Variants in ABCA10 observed in about 807,000 individuals in gnomAD.
ABCA10 encodes the protein ATP binding cassette subfamily A member 10.
A neutral mutation model predicts 187.5 loss-of-function variants in ABCA10; 169 were observed. The ratio of observed to expected loss-of-function variants is 0.90; its 90% CI spans 0.80 to 1.02. The LOEUF (loss-of-function observed/expected upper bound fraction) is 1.02, where lower values mean the gene tolerates loss of function less well. Ranked by LOEUF, ABCA10 falls within the 50% of genes least tolerant of loss-of-function variation. ABCA10 has a pLI of 0.00. For synonymous variants in ABCA10, 574 were observed against 601.8 expected (o/e 0.95, Z 0.68); for missense variants, 1,727 against 1,812.4 (o/e 0.95, Z 0.86).
At chr17:69,244,782 A>G (rs1724692114) in exon 1 of ABCA10, 1 of 151,374 alleles carries the variant, frequency 6.6e-6, no homozygotes, top group Admixed American at 6.6e-5. Flanking sequence ...AATAAAAACA[A>G]TAATAACAAC....
At chr17:69,178,275 C>A (rs746813801) in intron 22 of ABCA10, among the ~76,000 whole-genome samples, 1 of 151,968 alleles carries the variant, frequency 6.6e-6, no homozygotes, top group African/African-American at 2.4e-5. Context: ...GAAGTCATGA[C>A]AGCTTTAGAA....
intron 22 of ABCA10, 101 bp from the exon 23 acceptor site, chr17:69,175,614 T>C (rs2074328903): frequency 5.7e-6 from 5 of 877,218 alleles, no homozygotes; most frequent in Non-Finnish European, 8.4e-6. Context: ...TCTAGAAGCA[T>C]TCACCTGATT....
intron 10 of ABCA10, among the ~76,000 whole-genome samples, chr17:69,200,823 C>T (rs1384915571): frequency 6.6e-6 from 1 of 152,224 alleles, no homozygotes; most frequent in African/African-American, 2.4e-5. Context: ...AGCCATCCTC[C>T]CACGTCAGCC....
intron 11 of ABCA10, chr17:69,196,435 T>C: frequency 5.7e-6 from 1 of 175,554 alleles, no homozygotes. Flanking sequence ...GCAGAGGCGC[T>C]CCCCACATCT....
intron 5 of ABCA10, 94 bp from the exon 6 acceptor site, chr17:69,219,865 TA>T (rs2074733798): frequency 1.1e-6 from 1 of 874,446 alleles, no homozygotes; most frequent in African/African-American, 1.7e-5. Context: ...AATATTTACA[TA>T]TTCTCATCAT....
chr17:69,155,764 T>G (rs751285064), intron 29 of ABCA10, 41 bp downstream of exon 29: 8 of 1,596,142 alleles, frequency 5.0e-6, no homozygotes, highest in Non-Finnish European at 6.0e-6. Flanking sequence ...GAGGACAAAC[T>G]ATCTGAGCAT....
chr17:69,154,396 GCATAACATTTT>G, intron 30 of ABCA10, 70 bp from the exon 31 acceptor site: 1 of 1,069,466 alleles, frequency 9.4e-7, no homozygotes, highest in Admixed American at 2.5e-5. Context: ...TTGGTTGGTT[GCATAACATTTT>G]GAAACAAAAT....
intron 25 of ABCA10, among the ~76,000 whole-genome samples, chr17:69,167,652 C>T (rs1410671375): frequency 2.0e-5 from 3 of 151,928 alleles, no homozygotes; most frequent in Non-Finnish European, 2.9e-5. Context: ...TTTCCATTGC[C>T]AGATGATGAG....
At chr17:69,166,636 G>A (rs1230038025) in intron 25 of ABCA10, among the ~76,000 whole-genome samples, 1 of 152,142 alleles carries the variant, frequency 6.6e-6, no homozygotes, top group Non-Finnish European at 1.5e-5. Context: ...AAGATCTAAG[G>A]CTGGAGAATG....
chr17:69,232,274 T>C (rs1438385396), upstream of ABCA10, among the ~76,000 whole-genome samples: 1 of 152,152 alleles, frequency 6.6e-6, no homozygotes, highest in Non-Finnish European at 1.5e-5. Flanking sequence ...ACTGCTGCCA[T>C]TTTGATACCT....
intron 11 of ABCA10, among the ~76,000 whole-genome samples, chr17:69,195,130 C>T (rs75710583): frequency 2.0e-5 from 3 of 151,990 alleles, no homozygotes; most frequent in Non-Finnish European, 4.4e-5. Flanking sequence ...TTAACTCCAC[C>T]GGAAAATAAG....
rs139564076 is a variant in ABCA10, at chr17:69,204,240, A to G, written c.1007-2572T>C. Among the ~76,000 whole-genome samples the G allele has an allele frequency of 5.3e-3, 809 of 152,308 alleles. 6 individuals carry two copies. Among genetic ancestry groups the G allele is most frequent in the Middle Eastern group, 0.014 (4 of 294 alleles). ...CTACTATGCACCAGCTCTGCCAAAC[A>G]ATTTTTAATTTCCCTTATGATATAC... is the stretch of plus-strand genomic sequence containing the variant. On this transcript the variant is annotated intron_variant, in intron 9 of 38. Transcript: ENST00000690296.
rs1272885561 is a variant in ABCA10, at chr17:69,197,076, C to A, written c.1222G>T (p.Glu408Ter). 2 of 1,589,828 alleles carry A rather than the reference C, an allele frequency of 1.3e-6. No homozygotes were observed. Among genetic ancestry groups the A allele is most frequent in the Admixed American group, 1.7e-5 (1 of 58,334 alleles). Residue 408 changes from glutamate to a stop codon, truncating the protein, a stop_gained, in exon 11 of 39, where the codon GAA becomes TAA. Coordinates refer to ENST00000690296, the MANE Select transcript of ABCA10 (RefSeq NM_001377321.1). LOFTEE classifies it high-confidence loss of function. ...TTTTTCTTTTTACCTTGCAATGCTT[C>A]TACTTTTCCAGTCTTTCCATTATAT... ...KEYNGKTGKV[E>*]ALQGIFFDIY...
intron 10 of ABCA10, among the ~76,000 whole-genome samples, chr17:69,197,414 C>T (rs755151754): frequency 3.3e-5 from 5 of 151,706 alleles, no homozygotes; most frequent in African/African-American, 4.8e-5. Flanking sequence ...AGGAAGGGAG[C>T]GAAAGAAAAA....
At chr17:69,160,065 C>G (rs1012520727) in intron 27 of ABCA10, among the ~76,000 whole-genome samples, 2 of 152,084 alleles carry the variant, frequency 1.3e-5, no homozygotes, top group East Asian at 3.9e-4. Flanking sequence ...TAAAATTGGA[C>G]TAGACAGCGA....
chr17:69,228,868 G>A (rs932566788), upstream of ABCA10: 4 of 151,504 alleles, frequency 2.6e-5, no homozygotes, highest in Non-Finnish European at 5.9e-5. Flanking sequence ...GCTCTTTTTG[G>A]CATACACACA....
At chr17:69,218,748 A>C (rs1464355561) in intron 6 of ABCA10, among the ~76,000 whole-genome samples, 1 of 152,184 alleles carries the variant, frequency 6.6e-6, no homozygotes, top group Non-Finnish European at 1.5e-5. Flanking sequence ...GTGCTGTGTG[A>C]TTTAAACATA....
intron 25 of ABCA10, among the ~76,000 whole-genome samples, chr17:69,167,226 C>T (rs2074260689): frequency 6.6e-6 from 1 of 152,102 alleles, no homozygotes; most frequent in African/African-American, 2.4e-5. Flanking sequence ...TCTGCTTGCT[C>T]CCAAACACAT....
intron 17 of ABCA10, 48 bp from the exon 18 acceptor site, chr17:69,190,525 G>A: frequency 6.8e-7 from 1 of 1,472,476 alleles, no homozygotes; most frequent in Non-Finnish European, 9.0e-7. Flanking sequence ...TTATCAATGA[G>A]TATATTAAAA....
Sources: allele counts gnomAD v4.1 joint callset (sites outside exome capture counted in the v4.1 genomes callset), GRCh38; gene constraint gnomAD v4.1.1; transcripts MANE v1.5; gene names NCBI Gene and HGNC (gene_info 2026-07-23, HGNC 2026-07-21).